The following KIAA1328 variants were observed in gnomAD, a reference collection of about 807,000 sequenced individuals.
The protein encoded by KIAA1328 is KIAA1328.
KIAA1328 carries 52 observed loss-of-function variants against 68.1 expected under a neutral mutation model. The observed-to-expected ratio is 0.76, with a 90% CI of 0.61 to 0.96. The LOEUF (loss-of-function observed/expected upper bound fraction) is 0.96, where lower values mean the gene tolerates loss of function less well. Ranked by LOEUF, KIAA1328 falls within the 40% of genes least tolerant of loss-of-function variation. The pLI is 0.00. For missense variants in KIAA1328, 641 were observed against 677.6 expected (o/e 0.95, Z 0.60); for synonymous variants, 232 against 239.4 (o/e 0.97, Z 0.28).
rs147453972 is a variant in KIAA1328, at chr18:36,893,435, T to TTG, written c.448+7789_448+7790dup. ...GGTGTGCTCCACCCCACCTGGCTAT[T>TTG]TGTGTGTGTGTGTGTGTGTGTGTGT... On this transcript the variant is annotated intron_variant, in intron 5 of 9. Transcript: ENST00000280020. Among the ~76,000 whole-genome samples, 821 of 139,640 alleles carry TTG rather than the reference T, an allele frequency of 5.9e-3. 3 individuals carry two copies. Among genetic ancestry groups the TTG allele is most frequent in the Admixed American group, 7.9e-3 (108 of 13,644 alleles). 91.6% of individuals were successfully genotyped at this position (139,640 alleles called of 152,430 possible). A position where few individuals can be genotyped will look rare whatever the true frequency, so the allele number is the denominator to read the frequency against.
At chr18:37,199,015 G>A (rs907294641) in intron 9 of KIAA1328, among the ~76,000 whole-genome samples, 1 of 152,198 alleles carries the variant, frequency 6.6e-6, no homozygotes, top group African/African-American at 2.4e-5. Flanking sequence ...AGAAAAGAAA[G>A]ATATTTGGAT....
At chr18:36,954,845 C>A (rs2051339651) in intron 5 of KIAA1328, among the ~76,000 whole-genome samples, 1 of 151,988 alleles carries the variant, frequency 6.6e-6, no homozygotes, top group Non-Finnish European at 1.5e-5. Context: ...CAGGCGCCCA[C>A]CACCATGCCT....
intron 7 of KIAA1328, among the ~76,000 whole-genome samples, chr18:37,153,157 C>A (rs1452116322): frequency 6.6e-6 from 1 of 152,196 alleles, no homozygotes; most frequent in Non-Finnish European, 1.5e-5. Flanking sequence ...AAGTCAGACA[C>A]TGCCTCCTCA....
chr18:36,987,908 A>G (rs2053011162), intron 6 of KIAA1328, among the ~76,000 whole-genome samples: 1 of 152,084 alleles, frequency 6.6e-6, no homozygotes, highest in African/African-American at 2.4e-5. Flanking sequence ...TATTGTGATC[A>G]GAGCAATTGT....
chr18:36,946,571 C>T (rs1330324769), intron 5 of KIAA1328: 1 of 152,166 alleles, frequency 6.6e-6, no homozygotes, highest in Non-Finnish European at 1.5e-5. Flanking sequence ...GGTTCTAAGA[C>T]TTTATTCTAA....
chr18:36,878,121 G>A (rs561568697), intron 4 of KIAA1328, among the ~76,000 whole-genome samples: 63 of 152,228 alleles, frequency 4.1e-4, no homozygotes, highest in African/African-American at 1.5e-3. Context: ...TCACATTTTG[G>A]TATGTTTTTG....
intron 7 of KIAA1328, among the ~76,000 whole-genome samples, chr18:37,131,914 C>CA (rs1290880686): frequency 2.6e-5 from 4 of 152,152 alleles, no homozygotes; most frequent in Non-Finnish European, 5.9e-5. Flanking sequence ...ATAGCCCATA[C>CA]AAAAGACAAG....
chr18:36,893,483 G>GTGTGTGTGTTTT (rs1330956092), intron 5 of KIAA1328, among the ~76,000 whole-genome samples: 1 of 150,794 alleles, frequency 6.6e-6, no homozygotes, highest in Non-Finnish European at 1.5e-5. Context: ...GTGTGTGTGT[G>GTGTGTGTGTTTT]TGTGTGTGTG....
At chr18:37,170,477 A>G (rs2059478683) in intron 8 of KIAA1328, among the ~76,000 whole-genome samples, 1 of 152,222 alleles carries the variant, frequency 6.6e-6, no homozygotes, top group African/African-American at 2.4e-5. Context: ...GTGATGTTCA[A>G]TAAATATTTC....
intron 5 of KIAA1328, among the ~76,000 whole-genome samples, chr18:36,945,821 C>T (rs2050879246): frequency 6.6e-6 from 1 of 152,176 alleles, no homozygotes; most frequent in Non-Finnish European, 1.5e-5. Flanking sequence ...GTTTCCTTCT[C>T]ATGGACTCTT....
chr18:37,195,677 C>T (rs1167844177), intron 9 of KIAA1328, among the ~76,000 whole-genome samples: 2 of 152,104 alleles, frequency 1.3e-5, no homozygotes, highest in African/African-American at 4.8e-5. Flanking sequence ...ATGCCAGTAC[C>T]ATGCTGTTTT....
At chr18:36,938,686 TG>T (rs1324060550) in intron 5 of KIAA1328, among the ~76,000 whole-genome samples, 1 of 152,178 alleles carries the variant, frequency 6.6e-6, no homozygotes, top group East Asian at 1.9e-4. Flanking sequence ...ATTTCCTCTA[TG>T]TTTTCTTCTA....
intron 6 of KIAA1328, among the ~76,000 whole-genome samples, chr18:37,065,508 C>A (rs188623919): frequency 6.6e-6 from 1 of 152,142 alleles, no homozygotes. Context: ...AGGAATAACA[C>A]ATTTTCAAAC....
Position 36,835,316 on chromosome 18 carries a change from G to A in KIAA1328, c.177G>A (p.Val59=). 1 of 1,613,784 alleles carries A rather than the reference G, an allele frequency of 6.2e-7. No individual in the cohort carries two copies. Among genetic ancestry groups the A allele is most frequent in the Non-Finnish European group, 8.5e-7 (1 of 1,179,770 alleles). Residue 59 remains valine (V), a synonymous_variant, in exon 3 of 10, where the codon GTG becomes GTA. Coordinates refer to ENST00000280020, the MANE Select transcript of KIAA1328 (RefSeq NM_020776.3). ...ATGTTAAACTTAAGACTTCCAGGGT[G>A]ACTGATGCTTCAATCTCCATGGAGT... ...KADVKLKTSR[V]TDASISMESL...
intron 9 of KIAA1328, among the ~76,000 whole-genome samples, chr18:37,210,338 G>T (rs1599604098): frequency 6.6e-6 from 1 of 152,286 alleles, no homozygotes; most frequent in East Asian, 1.9e-4. Context: ...TGCCACTCCA[G>T]CTTGGTCCAA....
chr18:36,861,643 A>G (rs181648216), intron 4 of KIAA1328, among the ~76,000 whole-genome samples: 1 of 152,046 alleles, frequency 6.6e-6, no homozygotes, highest in East Asian at 1.9e-4. Flanking sequence ...ATTTATTTTT[A>G]TCAGTATCAG....
chr18:37,079,452 C>T (rs540527870), intron 7 of KIAA1328, among the ~76,000 whole-genome samples: 4 of 147,966 alleles, frequency 2.7e-5, no homozygotes, highest in Admixed American at 6.7e-5. Context: ...GCACATTGTG[C>T]ACATGTACCC....
intron 5 of KIAA1328, among the ~76,000 whole-genome samples, chr18:36,950,450 G>A (rs2151224363): frequency 6.6e-6 from 1 of 152,208 alleles, no homozygotes; most frequent in African/African-American, 2.4e-5. Flanking sequence ...GAGATACCAA[G>A]ATTAGTACAC....
chr18:36,908,607 T>G (rs2049309917), intron 5 of KIAA1328, among the ~76,000 whole-genome samples: 1 of 152,174 alleles, frequency 6.6e-6, no homozygotes. Context: ...CTCAACGTGC[T>G]GGGATTATGG....
Sources: allele counts gnomAD v4.1 joint callset (sites outside exome capture counted in the v4.1 genomes callset), GRCh38; gene constraint gnomAD v4.1.1; transcripts MANE v1.5; gene names NCBI Gene and HGNC (gene_info 2026-07-23, HGNC 2026-07-21).